TEX9: variants seen among roughly 807,000 people sequenced by gnomAD.
TEX9 encodes the protein testis-expressed protein 9.
A neutral mutation model predicts 59.6 loss-of-function variants in TEX9; 74 were observed. That is an observed-to-expected ratio of 1.24 (90% CI 1.03 to 1.51). The LOEUF is 1.51. TEX9 is among the 40% of genes most tolerant of loss of function. The pLI is 0.00. For synonymous variants in TEX9, 186 were observed against 152.2 expected, an observed-to-expected ratio of 1.22 and a Z score of -1.64; for missense variants, 522 against 447.8, an observed-to-expected ratio of 1.17 and a Z score of -1.49.
chr15:56,315,881 C>G (rs2045744715), intron 1 of TEX9, among the ~76,000 whole-genome samples: 1 of 150,756 alleles, frequency 6.6e-6, no homozygotes, highest in Non-Finnish European at 1.5e-5. Context: ...AACTTCCCTT[C>G]TAGCTTCATT....
At chr15:56,446,146 G>T (rs1203951204), downstream of TEX9, 1 of 152,008 alleles carries the variant, frequency 6.6e-6, no homozygotes, top group Non-Finnish European at 1.5e-5. Flanking sequence ...ATAAGAGTGT[G>T]TGTGTGTGTA....
chr15:56,293,027 G>A (rs2045133133), intron 1 of TEX9, among the ~76,000 whole-genome samples: 1 of 152,132 alleles, frequency 6.6e-6, no homozygotes, highest in African/African-American at 2.4e-5. Flanking sequence ...ACTTCTAAGC[G>A]ATCATGACTA....
At position 56,353,998 on chromosome 15, in the gene TEX9, G is replaced by T. The variant is rs116190626; in HGVS notation, c.-106-19443G>T. The stretch of plus-strand genomic sequence containing the variant: ...GGTTATCTTATTTTTCTCTCATTTT[G>T]CTTGTAGTGTTCTAAATATTCCAAA... On this transcript the variant is annotated intron_variant, in intron 1 of 5. Coordinates refer to the TEX9 transcript ENST00000560827. Among the ~76,000 whole-genome samples, 1,313 of 152,092 alleles carry T rather than the reference G, an allele frequency of 8.6e-3. 22 individuals are homozygous for T. Among genetic ancestry groups the T allele is most frequent in the African/African-American group, 0.03 (1,235 of 41,482 alleles).
chr15:56,378,348 G>C (rs989012263), intron 3 of TEX9, among the ~76,000 whole-genome samples: 2 of 151,906 alleles, frequency 1.3e-5, no homozygotes, highest in Admixed American at 6.6e-5. Context: ...ATCAGGTCCT[G>C]GGCTTTTCTT....
intron 3 of TEX9, among the ~76,000 whole-genome samples, chr15:56,380,513 G>A (rs1269200608): frequency 6.6e-6 from 1 of 151,960 alleles, no homozygotes; most frequent in Non-Finnish European, 1.5e-5. Context: ...AGTGACTTTT[G>A]TACCTTCTGA....
At chr15:56,358,342 T>G (rs575673674) in intron 1 of TEX9, among the ~76,000 whole-genome samples, 3 of 151,830 alleles carry the variant, frequency 2.0e-5, no homozygotes, top group South Asian at 2.1e-4. Flanking sequence ...TAGATAAGTT[T>G]TTTTTTTTTT....
At chr15:56,305,782 C>A (rs1054424282) in intron 1 of TEX9, among the ~76,000 whole-genome samples, 3 of 152,048 alleles carry the variant, frequency 2.0e-5, no homozygotes, top group Non-Finnish European at 4.4e-5. Flanking sequence ...GGGATCACAT[C>A]AAATTAAAAA....
At chr15:56,316,897 G>A (rs1369944719) in intron 1 of TEX9, among the ~76,000 whole-genome samples, 1 of 152,182 alleles carries the variant, frequency 6.6e-6, no homozygotes, top group African/African-American at 2.4e-5. Context: ...TATTCGGGTG[G>A]GAGTGACCCG....
intron 1 of TEX9, among the ~76,000 whole-genome samples, chr15:56,299,624 C>A (rs1028076308): frequency 2.0e-5 from 3 of 152,116 alleles, no homozygotes; most frequent in Non-Finnish European, 2.9e-5. Context: ...CCAGGAGATA[C>A]CCCTTACTTC....
chr15:56,338,168 TC>T (rs2046294775), intron 1 of TEX9, among the ~76,000 whole-genome samples: 1 of 152,208 alleles, frequency 6.6e-6, no homozygotes, highest in Non-Finnish European at 1.5e-5. Context: ...GCATTTCCTC[TC>T]TGCAAACTAG....
chr15:56,428,351 A>T lies in TEX9; in HGVS notation c.1099-16A>T, dbSNP rs2050426122. On this transcript the variant is annotated splice_polypyrimidine_tract_variant and intron_variant, in intron 11 of 12. Transcript: ENST00000352903. ...CTTAATACTAAATCAGACAATATTGATTTTTTTTTTAACAGATGCATATTG... is the reference window on the plus strand; with the variant it reads ...CTTAATACTAAATCAGACAATATTGTTTTTTTTTTTAACAGATGCATATTG... 1 of 1,471,392 alleles carries T rather than the reference A, an allele frequency of 6.8e-7. No homozygotes were observed. Among genetic ancestry groups the T allele is most frequent in the Non-Finnish European group, 9.3e-7 (1 of 1,071,744 alleles). The allele number at this position is 1,471,392 out of a possible 1,614,324, so 91.1% of individuals were successfully genotyped here. A position where few individuals can be genotyped will look rare whatever the true frequency, so the allele number is the denominator to read the frequency against.
chr15:56,325,574 C>A (rs974878034), intron 1 of TEX9, among the ~76,000 whole-genome samples: 36 of 152,038 alleles, frequency 2.4e-4, no homozygotes, highest in African/African-American at 8.2e-4. Flanking sequence ...TTGGGGGATC[C>A]AACAGTATTA....
At chr15:56,429,075 C>A in intron 12 of TEX9, 1 of 1,475,662 alleles carries the variant, frequency 6.8e-7, no homozygotes, top group South Asian at 1.2e-5. Context: ...TGCAAAAAAT[C>A]TATGCTTTAC....
intron 1 of TEX9, among the ~76,000 whole-genome samples, chr15:56,355,283 A>G (rs2046663085): frequency 6.6e-6 from 1 of 152,176 alleles, no homozygotes; most frequent in African/African-American, 2.4e-5. Context: ...TATTATAAGT[A>G]TATGTCTAAC....
At position 56,414,407 on chromosome 15, in the gene TEX9, T is replaced by TC. The variant is rs56731126; in HGVS notation, c.963+1972dup. On this transcript the variant is annotated intron_variant, in intron 10 of 12. Transcript: ENST00000352903. ...TCTCCCTTTTTCCACCTTCCCCACT[T>TC]CAAGTAGACCCCAATGTCTGTTTCC... 4.5e-3 allele frequency among the ~76,000 whole-genome samples: 679 copies of TC among 151,772 alleles called. 24 individuals carry two copies. Among genetic ancestry groups the TC allele is most frequent in the African/African-American group, 0.016 (654 of 41,168 alleles).
chr15:56,399,776 C>T (rs1399752122), intron 9 of TEX9, among the ~76,000 whole-genome samples: 1 of 152,204 alleles, frequency 6.6e-6, no homozygotes, highest in Non-Finnish European at 1.5e-5. Flanking sequence ...AAGCATCAGC[C>T]AGCAATATCT....
downstream of TEX9, chr15:56,446,696 A>G (rs1390294002): frequency 4.9e-6 from 3 of 606,772 alleles, no homozygotes; most frequent in African/African-American, 1.9e-5. Context: ...AGGATTTTCT[A>G]CATCTTAAGG....
chr15:56,253,554 A>G (rs186500207), intron 1 of TEX9, among the ~76,000 whole-genome samples: 3 of 152,222 alleles, frequency 2.0e-5, no homozygotes, highest in East Asian at 1.9e-4. Flanking sequence ...CCCAAATAAT[A>G]TTAGAGATGA....
At chr15:56,263,499 A>G (rs1412453373) in intron 1 of TEX9, among the ~76,000 whole-genome samples, 1 of 151,706 alleles carries the variant, frequency 6.6e-6, no homozygotes, top group African/African-American at 2.4e-5. Flanking sequence ...CTTGGGGTTA[A>G]TTATATTTTT....
Sources: allele counts gnomAD v4.1 joint callset (sites outside exome capture counted in the v4.1 genomes callset), GRCh38; gene constraint gnomAD v4.1.1; transcripts MANE v1.5; gene names NCBI Gene and HGNC (gene_info 2026-07-23, HGNC 2026-07-21).